TDRD7: variants seen among roughly 807,000 people sequenced by gnomAD.
The protein encoded by TDRD7 is tudor domain-containing protein 7.
TDRD7 carries 47 observed loss-of-function variants against 109.8 expected under a neutral mutation model. The ratio of observed to expected loss-of-function variants is 0.43; its 90% CI spans 0.34 to 0.55. TDRD7 has a LOEUF of 0.55. Ranked by LOEUF, TDRD7 falls within the 20% of genes least tolerant of loss-of-function variation. The pLI, the probability that TDRD7 is intolerant of heterozygous loss-of-function variation, is 0.03. For synonymous variants in TDRD7, 424 were observed against 457.3 expected, an observed-to-expected ratio of 0.93 and a Z score of 0.93; for missense variants, 1,164 against 1,319.2, an observed-to-expected ratio of 0.88 and a Z score of 1.82.
intron 6 of TDRD7, among the ~76,000 whole-genome samples, chr9:97,459,686 A>G (rs1011180949): frequency 7.9e-5 from 12 of 152,326 alleles, no homozygotes; most frequent in Admixed American, 6.5e-4. Context: ...TTATCTCTGG[A>G]GCATCTTTTT....
At chr9:97,431,374 A>T (rs1245266222) in intron 3 of TDRD7, among the ~76,000 whole-genome samples, 2 of 152,194 alleles carry the variant, frequency 1.3e-5, no homozygotes, top group South Asian at 4.1e-4. Context: ...TGTCTTGTCC[A>T]GAATGTTGGC....
At chr9:97,494,710 A>AT (rs1414222730) in intron 16 of TDRD7, among the ~76,000 whole-genome samples, 21 of 99,722 alleles carry the variant, frequency 2.1e-4, no homozygotes, top group South Asian at 1.6e-3. Flanking sequence ...ATATATATAT[A>AT]TATTTTTTTT....
intron 7 of TDRD7, among the ~76,000 whole-genome samples, chr9:97,461,122 A>G (rs542066882): frequency 1.8e-4 from 27 of 151,776 alleles, no homozygotes; most frequent in Non-Finnish European, 3.4e-4. Flanking sequence ...GCCTGGGCGA[A>G]AGAGCAAGAC....
chr9:97,475,790 A>G (rs1260986633), intron 12 of TDRD7, among the ~76,000 whole-genome samples: 2 of 152,170 alleles, frequency 1.3e-5, no homozygotes, highest in Admixed American at 6.5e-5. Context: ...ATATTAATGA[A>G]TATGTGTATA....
intron 4 of TDRD7, among the ~76,000 whole-genome samples, chr9:97,432,962 G>A (rs151009029): frequency 1.3e-5 from 2 of 152,242 alleles, no homozygotes; most frequent in East Asian, 3.9e-4. Flanking sequence ...CAAAATAGTG[G>A]CAGAAGTGAG....
At chr9:97,418,655 C>T (rs932977318) in intron 1 of TDRD7, among the ~76,000 whole-genome samples, 3 of 152,100 alleles carry the variant, frequency 2.0e-5, no homozygotes, top group Admixed American at 2.0e-4. Context: ...AATGGTTCTC[C>T]CAAGGGTGGA....
At chr9:97,476,466 A>G (rs551307216) in intron 12 of TDRD7, among the ~76,000 whole-genome samples, 2 of 151,870 alleles carry the variant, frequency 1.3e-5, no homozygotes, top group Non-Finnish European at 2.9e-5. Flanking sequence ...CTATAATCCC[A>G]GCACTTTGGG....
At chr9:97,428,284 T>C (rs1828035796) in intron 1 of TDRD7, among the ~76,000 whole-genome samples, 176 bp from the exon 2 acceptor site, 1 of 152,238 alleles carries the variant, frequency 6.6e-6, no homozygotes, top group African/African-American at 2.4e-5. Context: ...GACTTTCCCC[T>C]GCATTCTTAT....
intron 9 of TDRD7, among the ~76,000 whole-genome samples, chr9:97,471,537 T>C (rs905355920): frequency 6.6e-6 from 1 of 152,206 alleles, no homozygotes; most frequent in Non-Finnish European, 1.5e-5. Flanking sequence ...TTCAAAGTTA[T>C]ATGTCTGGAG....
At chr9:97,490,266 C>A (rs1347144035) in intron 16 of TDRD7, among the ~76,000 whole-genome samples, 1 of 151,998 alleles carries the variant, frequency 6.6e-6, no homozygotes, top group Non-Finnish European at 1.5e-5. Context: ...ACAAATTCTC[C>A]CAATTTTTGT....
chr9:97,460,031 T>C, intron 6 of TDRD7, 147 bp from the exon 7 acceptor site: 8 of 716,174 alleles, frequency 1.1e-5, no homozygotes, highest in Non-Finnish European at 2.0e-5. Context: ...AGATAATGCA[T>C]TAAAGTCCTA....
At chr9:97,434,012 T>C (rs150315240) in intron 4 of TDRD7, among the ~76,000 whole-genome samples, 115 of 152,272 alleles carry the variant, frequency 7.6e-4, no homozygotes, top group Non-Finnish European at 1.2e-3. Flanking sequence ...TAGGTATATA[T>C]TCAAAGGCTA....
chr9:97,472,456 G>T lies in TDRD7; in HGVS notation c.1905G>T (p.Leu635Phe). The T allele has an allele frequency of 1.2e-6, 2 of 1,613,828 alleles. No homozygotes were observed. The highest frequency in any genetic ancestry group is 1.7e-6 in the Non-Finnish European group (2 of 1,179,852). Residue 635 changes from leucine to phenylalanine, a missense_variant, in exon 10 of 17, where the codon TTG (leucine) becomes TTT (phenylalanine). Physicochemically the swap from Leu to Phe is conservative, Grantham distance 22 (BLOSUM62 0). Transcript: ENST00000355295. ...ATATCAATATCAATGCCACCTGCTT[G>T]AAGGCTATATGTGACAAGTCACTAG... ...EDDININATCLKAICDKSLEV... is the reference protein window; with the variant it reads ...EDDININATCFKAICDKSLEV...
intron 4 of TDRD7, among the ~76,000 whole-genome samples, chr9:97,438,025 T>A (rs1050892214): frequency 2.0e-5 from 3 of 152,210 alleles, no homozygotes; most frequent in Non-Finnish European, 4.4e-5. Context: ...TTCTGTGTAC[T>A]CACTCTTTGC....
At chr9:97,480,550 T>C (rs1829098835) in intron 13 of TDRD7, 1 of 422,154 alleles carries the variant, frequency 2.4e-6, no homozygotes, top group African/African-American at 2.0e-5. Context: ...GAAATGGGGC[T>C]GCAACACCTG....
At chr9:97,458,233 A>T (rs545570809) in intron 6 of TDRD7, among the ~76,000 whole-genome samples, 2 of 152,308 alleles carry the variant, frequency 1.3e-5, no homozygotes, top group South Asian at 4.1e-4. Flanking sequence ...CTGAGAATGT[A>T]TTCCCATCGT....
chr9:97,427,757 A>AT (rs1167425302), intron 1 of TDRD7, among the ~76,000 whole-genome samples: 4 of 152,016 alleles, frequency 2.6e-5, no homozygotes, highest in East Asian at 1.9e-4. Context: ...TCTCAAATTG[A>AT]TTTTTTTATT....
Position 97,433,414 on chromosome 9 carries a change from G to A in TDRD7, c.563+1176G>A, listed in dbSNP as rs1304687008. ...TGCTAGTTGAATCCAGTATGTGACAGAGGTATTCTCTGGTTGTGTGCCTAC... is the reference window on the plus strand; with the variant it reads ...TGCTAGTTGAATCCAGTATGTGACAAAGGTATTCTCTGGTTGTGTGCCTAC... On this transcript the variant is annotated intron_variant, in intron 4 of 16. Transcript: ENST00000355295. 2.6e-5 allele frequency among the ~76,000 whole-genome samples: 4 copies of A among 151,950 alleles called. 1 individual carries two copies. Among genetic ancestry groups the A allele is most frequent in the Non-Finnish European group, 5.9e-5 (4 of 67,972 alleles).
rs536045637 is a variant in TDRD7, at chr9:97,446,326, C to T, written c.855+4451C>T. ...AGATGCACTCAGCTAAGGAGAATTT[C>T]TGTCAGTAGCCCCAAGACCTACTGG... On this transcript the variant is annotated intron_variant, in intron 6 of 16. Coordinates refer to ENST00000355295, the MANE Select transcript of TDRD7 (RefSeq NM_014290.3). Among the ~76,000 whole-genome samples the T allele has an allele frequency of 9.8e-5, 15 of 152,300 alleles. 1 individual carries two copies. The highest frequency in any genetic ancestry group is 3.6e-4 in the African/African-American group (15 of 41,570).
Sources: gnomAD v4.1 joint callset for allele counts (sites outside exome capture counted in the v4.1 genomes callset) on GRCh38, gnomAD v4.1.1 for gene constraint, MANE v1.5 for transcripts, NCBI Gene and HGNC (gene_info 2026-07-23, HGNC 2026-07-21) for gene names.